The following SGSM1 variants were observed in gnomAD, a reference collection of about 807,000 sequenced individuals.
SGSM1 encodes RUN and TBC1 domain containing 2.
A neutral mutation model predicts 133.8 loss-of-function variants in SGSM1; 73 were observed. The observed-to-expected ratio is 0.55, with a 90% CI of 0.45 to 0.66. SGSM1 has a LOEUF of 0.66. Among genes scored for constraint, SGSM1 ranks in the 30% least tolerant of loss-of-function variants. The pLI, the probability that SGSM1 is intolerant of heterozygous loss-of-function variation, is 0.00. For missense variants in SGSM1, 1,213 were observed against 1,448.1 expected (o/e 0.84, Z 2.64); for synonymous variants, 563 against 573.0 (o/e 0.98, Z 0.25).
At position 24,886,625 on chromosome 22, in the gene SGSM1, GCCT is replaced by G; in HGVS notation, c.1669_1671del (p.Leu557del). 6.4e-7 allele frequency: 1 copy of G among 1,553,624 alleles called. No individual in the cohort carries two copies. Among genetic ancestry groups the G allele is most frequent in the Non-Finnish European group, 8.7e-7 (1 of 1,148,136 alleles). ...AGTTACGAGGAGCAGGAGCTGCTGCGCCTCATCTACTACGGGGGCATCCAGCCT... is the reference window on the plus strand; with the variant it reads ...AGTTACGAGGAGCAGGAGCTGCTGCGCATCTACTACGGGGGCATCCAGCCT... On this transcript the variant is annotated inframe_deletion, in exon 16 of 25. Coordinates refer to ENST00000400358, the MANE Select transcript of SGSM1 (RefSeq NM_001098497.3).
chr22:24,844,042 A>G (rs1053994872), intron 2 of SGSM1: 3 of 152,094 alleles, frequency 2.0e-5, no homozygotes, highest in African/African-American at 4.8e-5. Flanking sequence ...TGATTCCTTT[A>G]TATATCTTAT....
In SGSM1 at chr22:24,893,548, T is replaced by A. The variant is rs1364029177; in HGVS notation, c.1888T>A (p.Ser630Thr). Residue 630 changes from serine (S) to threonine (T), a missense_variant, in exon 17 of 25, where the codon TCC (serine) becomes ACC (threonine). Coordinates refer to ENST00000400358, the MANE Select transcript of SGSM1 (RefSeq NM_001098497.3). ...TGCGGCCGCCCTGGCCAAATGCTCA[T>A]CCGGGGCCAGCTTGGACAGCCACCT... ...SHAAALAKCS[S>T]GASLDSHLHR... 14 of 1,606,808 alleles carry A rather than the reference T, an allele frequency of 8.7e-6. No individual in the cohort carries two copies. The highest frequency in any genetic ancestry group is 1.1e-5 in the Non-Finnish European group (13 of 1,176,812).
chr22:24,837,505 C>A (rs1485333503), intron 2 of SGSM1, among the ~76,000 whole-genome samples: 2 of 151,924 alleles, frequency 1.3e-5, no homozygotes, highest in Non-Finnish European at 2.9e-5. Flanking sequence ...TGCGGGCGAG[C>A]CTGACTGATG....
intron 2 of SGSM1, among the ~76,000 whole-genome samples, chr22:24,837,590 C>CGCCCG (rs1555922725): frequency 8.8e-5 from 12 of 137,080 alleles, no homozygotes; most frequent in African/African-American, 3.7e-4. Flanking sequence ...CCCCCCCCCC[C>CGCCCG]CTTTCCCAGT....
At chr22:24,865,263 C>A (rs1427155070) in intron 9 of SGSM1, among the ~76,000 whole-genome samples, 1 of 152,198 alleles carries the variant, frequency 6.6e-6, no homozygotes, top group Non-Finnish European at 1.5e-5. Context: ...CTTTGAGGAA[C>A]CAGAGGAGAG....
intron 8 of SGSM1, among the ~76,000 whole-genome samples, chr22:24,856,543 A>C (rs139684): frequency 0.14 from 21,263 of 151,942 alleles, 2,596 homozygotes; most frequent in African/African-American, 0.33. Flanking sequence ...CTGTCCCCTC[A>C]CCAGGGCCAT....
Position 24,856,014 on chromosome 22 carries a change from TATCCATCC to T in SGSM1, c.801+355_801+362del, listed in dbSNP as rs3062177. ...TCACCCATCCACCCATCTTTACATCTATCCATCCATCCATCCATCCATCCATCCCTCCA... is the reference window on the plus strand; with the variant it reads ...TCACCCATCCACCCATCTTTACATCTATCCATCCATCCATCCATCCCTCCA... On this transcript the variant is annotated intron_variant, in intron 8 of 24. Coordinates refer to ENST00000400358, the MANE Select transcript of SGSM1 (RefSeq NM_001098497.3). 276 of 462,484 alleles carry T rather than the reference TATCCATCC, an allele frequency of 6.0e-4. 1 individual carries two copies. Among genetic ancestry groups the T allele is most frequent in the African/African-American group, 4.6e-3 (235 of 50,672 alleles). The allele number at this position is 462,484 out of a possible 1,614,324, so 28.6% of individuals were successfully genotyped here.
At chr22:24,853,139 G>T (rs916518842) in intron 5 of SGSM1, among the ~76,000 whole-genome samples, 2 of 152,168 alleles carry the variant, frequency 1.3e-5, no homozygotes, top group South Asian at 4.1e-4. Context: ...TCAGAGAGGG[G>T]TGTCACTTGC....
intron 2 of SGSM1, among the ~76,000 whole-genome samples, chr22:24,829,959 G>GGA (rs1929015479): frequency 6.6e-6 from 1 of 152,172 alleles, no homozygotes; most frequent in Admixed American, 6.5e-5. Flanking sequence ...CCTGGAATGG[G>GGA]GAGAGGGTGA....
chr22:24,893,520 C>A lies in SGSM1; in HGVS notation c.1860C>A (p.Ser620=). The part of the protein sequence containing the change: ...EAIVRQRERE[S]HAAALAKCSS... ...TCGTGCGGCAGAGGGAGCGGGAGTC[C>A]CATGCGGCCGCCCTGGCCAAATGCT... is the stretch of plus-strand genomic sequence containing the variant. Residue 620 remains serine, a synonymous_variant, in exon 17 of 25, where the codon TCC becomes TCA. Transcript: ENST00000400358. 6.2e-7 allele frequency: 1 copy of A among 1,612,404 alleles called. No individual in the cohort carries two copies. Among genetic ancestry groups the A allele is most frequent in the Non-Finnish European group, 8.5e-7 (1 of 1,179,220 alleles).
intron 21 of SGSM1, among the ~76,000 whole-genome samples, chr22:24,906,874 C>T (rs185524497): frequency 2.3e-4 from 35 of 152,232 alleles, no homozygotes; most frequent in Admixed American, 9.2e-4. Flanking sequence ...TTGCTTGAAC[C>T]TGGGAGGCAG....
chr22:24,868,552 C>G lies in SGSM1; in HGVS notation c.1158+13C>G, dbSNP rs377594477. On this transcript the variant is annotated intron_variant, in intron 11 of 24. Transcript: ENST00000400358. Reference sequence around the variant, plus strand: ...CCAGAGGGGTAAGGTGAGTGATCATCGGGACCCAGGGAGGCTGGGGTGGAG... The same window carrying G: ...CCAGAGGGGTAAGGTGAGTGATCATGGGGACCCAGGGAGGCTGGGGTGGAG... 234 of 1,613,506 alleles carry G rather than the reference C, an allele frequency of 1.5e-4. No homozygotes were observed. The highest frequency in any genetic ancestry group is 1.7e-4 in the Non-Finnish European group (206 of 1,179,810).
chr22:24,905,021 G>T, intron 20 of SGSM1, 84 bp from the exon 21 acceptor site: 1 of 1,114,968 alleles, frequency 9.0e-7, no homozygotes, highest in South Asian at 1.2e-5. Context: ...AGGGATTGGG[G>T]ACCGAAGCAG....
chr22:24,901,923 G>A lies in SGSM1; in HGVS notation c.2701G>A (p.Ala901Thr), dbSNP rs774633279. ...CCGCAACTACTGGTACTTCACGCCC[G>A]CCAACTTGGAGAAGCTGCGTAACAT... Reference protein sequence around the residue: ...CDRNYWYFTPANLEKLRNIMC... With the variant: ...CDRNYWYFTPTNLEKLRNIMC... The change falls in exon 20 of 25, where the codon GCC becomes ACC. Residue 901 changes from alanine (A) to threonine (T), a missense_variant. Physicochemically the swap from Ala to Thr is moderately conservative, Grantham distance 58. Coordinates refer to ENST00000400358, the MANE Select transcript of SGSM1 (RefSeq NM_001098497.3). 1.0e-5 allele frequency: 14 copies of A among 1,395,366 alleles called. No homozygotes were observed. In the East Asian group the frequency reaches 1.6e-4, roughly 16 times the overall value. The allele number at this position is 1,395,366 out of a possible 1,614,324, so 86.4% of individuals were successfully genotyped here. A position where few individuals can be genotyped will look rare whatever the true frequency, so the allele number is the denominator to read the frequency against.
At chr22:24,879,574 G>A in intron 14 of SGSM1, 48 bp downstream of exon 14, 1 of 1,571,474 alleles carries the variant, frequency 6.4e-7, no homozygotes, top group Admixed American at 1.7e-5. Flanking sequence ...AGCAGCTATT[G>A]GTGCCTGCTG....
intron 9 of SGSM1, among the ~76,000 whole-genome samples, chr22:24,863,201 A>G (rs1209773194): frequency 6.6e-6 from 1 of 152,120 alleles, no homozygotes; most frequent in Non-Finnish European, 1.5e-5. Context: ...TCTGTCGCCA[A>G]ACTAGAGTAC....
chr22:24,887,107 T>TTGTGTGTGTGTGTGTG (rs60431385), intron 16 of SGSM1, among the ~76,000 whole-genome samples: 4,136 of 145,220 alleles, frequency 0.028, 160 homozygotes, highest in Admixed American at 0.11. Flanking sequence ...TTGTACTTAT[T>TTGTGTGTGTGTGTGTG]TGTGTGTGTG....
chr22:24,824,644 G>A (rs1437249888), intron 2 of SGSM1, among the ~76,000 whole-genome samples: 1 of 152,140 alleles, frequency 6.6e-6, no homozygotes. Context: ...CTCCACGGTG[G>A]CTATGTGGGG....
chr22:24,809,948 G>C (rs1927636318), intron 2 of SGSM1, among the ~76,000 whole-genome samples: 1 of 152,158 alleles, frequency 6.6e-6, no homozygotes, highest in Admixed American at 6.5e-5. Flanking sequence ...GAAGATAAGA[G>C]GGTTGAGAGA....
Sources: gnomAD v4.1 joint callset for allele counts (sites outside exome capture counted in the v4.1 genomes callset) on GRCh38, gnomAD v4.1.1 for gene constraint, MANE v1.5 for transcripts, NCBI Gene and HGNC (gene_info 2026-07-23, HGNC 2026-07-21) for gene names.